PATJ: variants seen among roughly 807,000 people sequenced by gnomAD.
PATJ encodes the protein inaD-like protein.
In PATJ, 190 loss-of-function variants were observed where a neutral mutation model predicts 224.9. The observed-to-expected ratio is 0.84, with a 90% CI of 0.75 to 0.95. The LOEUF is 0.95. Among genes scored for constraint, PATJ ranks in the 40% least tolerant of loss-of-function variants. The probability of loss-of-function intolerance (pLI) is 0.00; values close to 1 mark genes in which losing one functional copy is unlikely to be tolerated. For synonymous variants in PATJ, 769 were observed against 820.3 expected, an observed-to-expected ratio of 0.94 and a Z score of 1.07; for missense variants, 2,121 against 2,270.3, an observed-to-expected ratio of 0.93 and a Z score of 1.34.
chr1:62,027,423 C>T (rs1171366713), intron 29 of PATJ, among the ~76,000 whole-genome samples: 2 of 152,144 alleles, frequency 1.3e-5, no homozygotes, highest in African/African-American at 4.8e-5. Context: ...CTGCTATGAA[C>T]ATGGATATAC....
intron 27 of PATJ, among the ~76,000 whole-genome samples, chr1:61,966,953 G>A (rs970216361): frequency 2.6e-5 from 4 of 152,070 alleles, no homozygotes; most frequent in African/African-American, 7.2e-5. Context: ...GGTTTTGGCC[G>A]GCTTCTTTAC....
chr1:61,744,399 C>T (rs950866688), intron 1 of PATJ, among the ~76,000 whole-genome samples: 5 of 151,662 alleles, frequency 3.3e-5, no homozygotes, highest in Non-Finnish European at 5.9e-5. Flanking sequence ...TTCTTGAGAC[C>T]GATCTTTATC....
chr1:62,096,107 A>G (rs185770100), intron 33 of PATJ, among the ~76,000 whole-genome samples: 187 of 152,320 alleles, frequency 1.2e-3, no homozygotes, highest in African/African-American at 4.4e-3. Context: ...AAGACACTAA[A>G]TAGACCACAA....
chr1:61,977,604 G>A (rs563766221), intron 27 of PATJ, among the ~76,000 whole-genome samples: 73 of 152,120 alleles, frequency 4.8e-4, no homozygotes, highest in South Asian at 8.3e-4. Flanking sequence ...GGGATGAGGG[G>A]TTGAGTGGGG....
At chr1:62,156,707 G>T (rs1045318598) in intron 43 of PATJ, among the ~76,000 whole-genome samples, 3 of 151,458 alleles carry the variant, frequency 2.0e-5, no homozygotes, top group African/African-American at 7.3e-5. Flanking sequence ...CTTGAGCCCA[G>T]GAGTTTGAGA....
chr1:62,119,091 A>G (rs377679614), intron 37 of PATJ, among the ~76,000 whole-genome samples: 93 of 152,284 alleles, frequency 6.1e-4, no homozygotes, highest in Non-Finnish European at 1.0e-3. Flanking sequence ...AGTATCAAAT[A>G]CTTTGCCCTA....
chr1:61,971,886 G>A (rs181213003), intron 27 of PATJ, among the ~76,000 whole-genome samples: 26 of 151,762 alleles, frequency 1.7e-4, no homozygotes, highest in Middle Eastern at 3.4e-3. Context: ...CTATTTGGGC[G>A]GCTGAAGCAA....
intron 12 of PATJ, among the ~76,000 whole-genome samples, chr1:61,803,533 A>G (rs1652965408): frequency 6.6e-6 from 1 of 152,246 alleles, no homozygotes; most frequent in Non-Finnish European, 1.5e-5. Flanking sequence ...ACCGGTAAAG[A>G]CAATGAACAG....
chr1:62,092,613 G>A (rs572318625), intron 33 of PATJ, among the ~76,000 whole-genome samples: 6 of 150,976 alleles, frequency 4.0e-5, no homozygotes, highest in Admixed American at 1.3e-4. Context: ...ATGGGGTTTC[G>A]CCATGTTGGC....
intron 20 of PATJ, among the ~76,000 whole-genome samples, chr1:61,872,767 C>T (rs1489819816): frequency 6.6e-6 from 1 of 152,154 alleles, no homozygotes; most frequent in Non-Finnish European, 1.5e-5. Context: ...CCACTCAGTC[C>T]TCTCTTGCTG....
chr1:61,829,892 G>C (rs1457322640), intron 16 of PATJ, among the ~76,000 whole-genome samples: 1 of 152,066 alleles, frequency 6.6e-6, no homozygotes, highest in Non-Finnish European at 1.5e-5. Context: ...ACTTTTTGTT[G>C]GAAGATATAA....
At chr1:61,869,359 G>C (rs947865089) in intron 20 of PATJ, among the ~76,000 whole-genome samples, 4 of 152,044 alleles carry the variant, frequency 2.6e-5, no homozygotes, top group African/African-American at 9.7e-5. Flanking sequence ...GCCCGCCTCG[G>C]CCTCCCAAAG....
At position 61,766,371 on chromosome 1, in the gene PATJ, T is replaced by G. The variant is rs1646273830; in HGVS notation, c.282T>G (p.Asn94Lys). Reference sequence around the variant, plus strand: ...CAGATGGTTCCATCACTAATGGAAATGTCCACAGGCCCTCTAATAACTCGA... The same window carrying G: ...CAGATGGTTCCATCACTAATGGAAAGGTCCACAGGCCCTCTAATAACTCGA... ...VFTDGSITNGNVHRPSNNSTV... is the reference protein window; with the variant it reads ...VFTDGSITNGKVHRPSNNSTV... The change falls in exon 4 of 44, where the codon AAT (asparagine) becomes AAG (lysine). Residue 94 changes from asparagine (N) to lysine (K), a missense_variant. Physicochemically the swap from Asn to Lys is moderately conservative, Grantham distance 94 (BLOSUM62 0). Transcript: ENST00000642238. 6.2e-7 allele frequency: 1 copy of G among 1,609,890 alleles called. No individual in the cohort carries two copies. Among genetic ancestry groups the G allele is most frequent in the Non-Finnish European group, 8.5e-7 (1 of 1,177,234 alleles).
At chr1:62,014,425 A>G (rs1255158243) in intron 28 of PATJ, among the ~76,000 whole-genome samples, 4 of 152,158 alleles carry the variant, frequency 2.6e-5, no homozygotes, top group African/African-American at 9.7e-5. Context: ...AGATTGGAAA[A>G]TATGGTCAGC....
intron 29 of PATJ, among the ~76,000 whole-genome samples, chr1:62,035,003 C>T (rs187071431): frequency 6.6e-6 from 1 of 152,288 alleles, no homozygotes; most frequent in Non-Finnish European, 1.5e-5. Context: ...AGTTCCAGAT[C>T]TACAGCAGAC....
At chr1:61,774,213 A>G (rs1646792328) in intron 6 of PATJ, among the ~76,000 whole-genome samples, 1 of 151,684 alleles carries the variant, frequency 6.6e-6, no homozygotes, top group South Asian at 2.1e-4. Context: ...ATGGATGATC[A>G]CAGGAGTTTG....
chr1:62,043,823 G>T (rs1013376095), intron 30 of PATJ, among the ~76,000 whole-genome samples: 1 of 151,974 alleles, frequency 6.6e-6, no homozygotes, highest in Non-Finnish European at 1.5e-5. Context: ...GACCTCCCAG[G>T]CTCAAATAAT....
chr1:61,887,125 C>T (rs991399068), intron 22 of PATJ, among the ~76,000 whole-genome samples: 4 of 151,690 alleles, frequency 2.6e-5, no homozygotes, highest in African/African-American at 9.7e-5. Flanking sequence ...GTATATCAAA[C>T]TGAAGAGAAT....
At chr1:62,101,259 CTTTTT>C (rs916854253) in intron 33 of PATJ, among the ~76,000 whole-genome samples, 5 of 122,650 alleles carry the variant, frequency 4.1e-5, no homozygotes, top group East Asian at 4.8e-4. Context: ...CTTTTCTTTT[CTTTTT>C]TTTTTTTTTT....
Sources: gnomAD v4.1 joint callset for allele counts (sites outside exome capture counted in the v4.1 genomes callset) on GRCh38, gnomAD v4.1.1 for gene constraint, MANE v1.5 for transcripts, NCBI Gene and HGNC (gene_info 2026-07-23, HGNC 2026-07-21) for gene names.